Variants in FAM184B observed in about 807,000 individuals in gnomAD.
The protein encoded by FAM184B is family with sequence similarity 184 member B.
A neutral mutation model predicts 135.9 loss-of-function variants in FAM184B; 111 were observed. The observed-to-expected ratio is 0.82, with a 90% CI of 0.70 to 0.96. The LOEUF is 0.96. Among genes scored for constraint, FAM184B ranks in the 40% least tolerant of loss-of-function variants. The pLI is 0.00. For missense variants in FAM184B, 1,375 were observed against 1,323.9 expected, an observed-to-expected ratio of 1.04 and a Z score of -0.60; for synonymous variants, 552 against 524.8, an observed-to-expected ratio of 1.05 and a Z score of -0.71.
At chr4:17,706,631 T>C (rs543288628) in intron 3 of FAM184B, among the ~76,000 whole-genome samples, 1 of 152,318 alleles carries the variant, frequency 6.6e-6, no homozygotes, top group South Asian at 2.1e-4. Flanking sequence ...CAGCCACTTA[T>C]CTTTTCTTGG....
chr4:17,633,982 TGTATC>T, intron 16 of FAM184B, 94 bp from the exon 17 acceptor site: 2 of 1,030,468 alleles, frequency 1.9e-6, no homozygotes, highest in Non-Finnish European at 2.6e-6. Context: ...CAATCAAAAT[TGTATC>T]GGAGAAGAAG....
intron 6 of FAM184B, among the ~76,000 whole-genome samples, chr4:17,689,618 C>A (rs941376355): frequency 1.3e-5 from 2 of 152,066 alleles, no homozygotes; most frequent in African/African-American, 4.8e-5. Context: ...CTGTGCCACC[C>A]AGGAATCTAA....
intron 16 of FAM184B, 63 bp from the exon 17 acceptor site, chr4:17,633,951 T>C (rs2108925110): frequency 1.6e-6 from 2 of 1,257,492 alleles, no homozygotes; most frequent in South Asian, 4.1e-5. Flanking sequence ...AGCATTATTG[T>C]AAAAGCAAAT....
At chr4:17,728,515 A>G (rs1166403115) in intron 1 of FAM184B, among the ~76,000 whole-genome samples, 1 of 152,162 alleles carries the variant, frequency 6.6e-6, no homozygotes. Context: ...AAATCCTAGG[A>G]GAGCTTAGGG....
intron 1 of FAM184B, among the ~76,000 whole-genome samples, chr4:17,737,911 TG>T (rs1168194503): frequency 6.6e-6 from 1 of 152,226 alleles, no homozygotes; most frequent in Non-Finnish European, 1.5e-5. Flanking sequence ...TTCCTGCCTC[TG>T]GGAGCTTACA....
At chr4:17,714,277 G>A (rs1003653251) in intron 1 of FAM184B, among the ~76,000 whole-genome samples, 5 of 152,160 alleles carry the variant, frequency 3.3e-5, no homozygotes, top group African/African-American at 1.2e-4. Flanking sequence ...TCCTATGACT[G>A]GTGATTGCCA....
intron 5 of FAM184B, among the ~76,000 whole-genome samples, chr4:17,701,542 A>G (rs1284681594): frequency 6.6e-6 from 1 of 152,168 alleles, no homozygotes; most frequent in Non-Finnish European, 1.5e-5. Flanking sequence ...CCTCCATCTG[A>G]TGGATCAGAG....
intron 12 of FAM184B, among the ~76,000 whole-genome samples, chr4:17,645,110 T>C (rs1715431849): frequency 6.6e-6 from 1 of 152,212 alleles, no homozygotes; most frequent in Non-Finnish European, 1.5e-5. Flanking sequence ...GAACATTCCA[T>C]GCTCATGGAT....
At chr4:17,705,234 A>G (rs1218946847) in intron 4 of FAM184B, 28 bp from the exon 5 acceptor site, 2 of 1,520,882 alleles carry the variant, frequency 1.3e-6, no homozygotes, top group East Asian at 4.9e-5. Context: ...ACCTTGTAAA[A>G]CCACTGGGGA....
rs1715838545 is a variant in FAM184B at position 17,658,655 on chromosome 4, C to T, written c.1825-93G>A. ...AAGCTTTCTAAATGTTACCTCCATG[C>T]AGCTGAGCCTCCTCTGTCTGTAGAG... On this transcript the variant is annotated intron_variant, in intron 9 of 17. Coordinates refer to ENST00000265018, the MANE Select transcript of FAM184B (RefSeq NM_015688.2). The T allele has an allele frequency of 3.3e-6, 4 of 1,204,756 alleles. No individual in the cohort carries two copies. The East Asian group carries it at 1.0e-4, about 31-fold the overall frequency. 74.6% of individuals were successfully genotyped at this position (1,204,756 alleles called of 1,614,324 possible). A position where few individuals can be genotyped will look rare whatever the true frequency, so the allele number is the denominator to read the frequency against.
chr4:17,665,902 C>CT (rs1716037646), intron 7 of FAM184B, among the ~76,000 whole-genome samples: 1 of 152,034 alleles, frequency 6.6e-6, no homozygotes, highest in African/African-American at 2.4e-5. Context: ...CCCCCCGCCC[C>CT]CCAGTTGCTG....
chr4:17,639,168 C>A, intron 14 of FAM184B, 82 bp downstream of exon 14: 1 of 1,378,280 alleles, frequency 7.3e-7, no homozygotes, highest in Non-Finnish European at 1.0e-6. Flanking sequence ...ACCAGGAAAT[C>A]CCAGGGTCAT....
chr4:17,776,239 T>G (rs1718924364), intron 1 of FAM184B, among the ~76,000 whole-genome samples: 1 of 152,182 alleles, frequency 6.6e-6, no homozygotes, highest in Non-Finnish European at 1.5e-5. Flanking sequence ...TAGGGATAAG[T>G]ATCATGAAAG....
At position 17,630,910 on chromosome 4, in the gene FAM184B, C is replaced by CA. The variant is rs1375096920; in HGVS notation, c.*1621dup. 2 of 152,090 alleles carry CA rather than the reference C, an allele frequency of 1.3e-5. No individual in the cohort carries two copies. Among genetic ancestry groups the CA allele is most frequent in the African/African-American group, 2.4e-5 (1 of 41,384 alleles). 9.4% of individuals were successfully genotyped at this position (152,090 alleles called of 1,614,324 possible). ...CAACCATTTTTATTGCCCAGTTATT[C>CA]AAAGTTTTATTCAAAGAGCAAAGAT... On this transcript the variant is annotated 3_prime_UTR_variant, in exon 18 of 18. Coordinates refer to ENST00000265018, the MANE Select transcript of FAM184B (RefSeq NM_015688.2).
intron 1 of FAM184B, among the ~76,000 whole-genome samples, chr4:17,739,440 G>C (rs1300941374): frequency 1.3e-5 from 2 of 152,056 alleles, no homozygotes; most frequent in Non-Finnish European, 2.9e-5. Flanking sequence ...GTTCCTGGGA[G>C]AGGCGACGTT....
chr4:17,748,344 A>G (rs1453425407), intron 1 of FAM184B, among the ~76,000 whole-genome samples: 1 of 151,704 alleles, frequency 6.6e-6, no homozygotes, highest in African/African-American at 2.4e-5. Context: ...AACTGCCCCA[A>G]AGATCCAGGA....
At chr4:17,762,825 C>G (rs991574137) in intron 1 of FAM184B, among the ~76,000 whole-genome samples, 3 of 152,160 alleles carry the variant, frequency 2.0e-5, no homozygotes, top group Non-Finnish European at 4.4e-5. Flanking sequence ...GGTACTCTGC[C>G]AACTCCTTTC....
chr4:17,675,552 CT>C (rs1213253641), intron 7 of FAM184B, among the ~76,000 whole-genome samples: 2 of 152,312 alleles, frequency 1.3e-5, no homozygotes, highest in Non-Finnish European at 2.9e-5. Context: ...GAGAGTCAGC[CT>C]GTCCTTTGAA....
At chr4:17,777,186 G>A (rs1472934381) in intron 1 of FAM184B, among the ~76,000 whole-genome samples, 2 of 152,112 alleles carry the variant, frequency 1.3e-5, no homozygotes, top group Non-Finnish European at 2.9e-5. Context: ...AAAAAGGAAC[G>A]AATTAATGAT....
Sources: allele counts gnomAD v4.1 joint callset (sites outside exome capture counted in the v4.1 genomes callset), GRCh38; gene constraint gnomAD v4.1.1; transcripts MANE v1.5; gene names NCBI Gene and HGNC (gene_info 2026-07-23, HGNC 2026-07-21).